TMCC3: variants seen among roughly 807,000 people sequenced by gnomAD.
TMCC3 encodes transmembrane and coiled-coil domain family 3.
Under a neutral mutation model 40.2 loss-of-function variants are expected in TMCC3, and 28 were observed. The ratio of observed to expected loss-of-function variants is 0.70; its 90% CI spans 0.52 to 0.95. The LOEUF (loss-of-function observed/expected upper bound fraction) is 0.95. Among genes scored for constraint, TMCC3 ranks in the 40% least tolerant of loss-of-function variants. TMCC3 has a pLI of 0.00. For synonymous variants in TMCC3, 255 were observed against 248.5 expected (o/e 1.03, Z -0.25); for missense variants, 554 against 615.2 (o/e 0.90, Z 1.05).
chr12:94,644,849 G>C (rs1021580720), intron 1 of TMCC3, among the ~76,000 whole-genome samples: 1 of 152,176 alleles, frequency 6.6e-6, no homozygotes, highest in Non-Finnish European at 1.5e-5. Context: ...AAGGGCTACA[G>C]CATCCTCTTC....
At chr12:94,645,781 A>G (rs1403365663) in intron 1 of TMCC3, among the ~76,000 whole-genome samples, 1 of 152,184 alleles carries the variant, frequency 6.6e-6, no homozygotes, top group Non-Finnish European at 1.5e-5. Context: ...CATTCCAAAT[A>G]GAAATATCTG....
At chr12:94,617,832 C>G (rs1414916405) in intron 1 of TMCC3, among the ~76,000 whole-genome samples, 1 of 152,060 alleles carries the variant, frequency 6.6e-6, no homozygotes, top group Non-Finnish European at 1.5e-5. Context: ...ATTTTGTCAG[C>G]CTAATAAAGG....
chr12:94,624,188 A>G (rs1343088437), intron 1 of TMCC3, among the ~76,000 whole-genome samples: 1 of 152,228 alleles, frequency 6.6e-6, no homozygotes, highest in African/African-American at 2.4e-5. Flanking sequence ...TAGTGGGAAT[A>G]TAAACTGGTG....
chr12:94,642,212 G>C (rs2068994599), intron 1 of TMCC3, among the ~76,000 whole-genome samples: 1 of 152,134 alleles, frequency 6.6e-6, no homozygotes, highest in East Asian at 1.9e-4. Context: ...ACAGAAGATG[G>C]TATAATGGTT....
chr12:94,610,634 C>A (rs1046306092), intron 1 of TMCC3, among the ~76,000 whole-genome samples: 1 of 152,136 alleles, frequency 6.6e-6, no homozygotes, highest in African/African-American at 2.4e-5. Context: ...CAATAGAGAA[C>A]CTCTTTTTAA....
intron 2 of TMCC3, 85 bp from the exon 3 acceptor site, chr12:94,578,614 C>T (rs1178514758): frequency 2.1e-6 from 3 of 1,456,758 alleles, no homozygotes; most frequent in African/African-American, 1.4e-5. Flanking sequence ...TGCGCCAGTA[C>T]CTTTTGGCTT....
At chr12:94,612,243 C>T (rs1044634717) in intron 1 of TMCC3, among the ~76,000 whole-genome samples, 2 of 151,906 alleles carry the variant, frequency 1.3e-5, no homozygotes, top group African/African-American at 2.4e-5. Context: ...TCAAGCAATC[C>T]GCCTGCCTTG....
chr12:94,631,308 A>G (rs941090474), intron 1 of TMCC3, among the ~76,000 whole-genome samples: 3 of 152,174 alleles, frequency 2.0e-5, no homozygotes, highest in African/African-American at 7.2e-5. Flanking sequence ...TTAAAAATTC[A>G]TACTGAAATC....
intron 1 of TMCC3, among the ~76,000 whole-genome samples, chr12:94,637,164 A>G (rs2068964885): frequency 6.6e-6 from 1 of 152,236 alleles, no homozygotes; most frequent in African/African-American, 2.4e-5. Flanking sequence ...AAATGGCAAG[A>G]ACATACATAT....
chr12:94,650,082 C>T (rs2069046326), intron 1 of TMCC3, among the ~76,000 whole-genome samples: 1 of 152,124 alleles, frequency 6.6e-6, no homozygotes, highest in Non-Finnish European at 1.5e-5. Flanking sequence ...GAGCGCGGGC[C>T]GTCGGGGAAC....
chr12:94,595,648 A>G (rs2068711176), intron 1 of TMCC3, among the ~76,000 whole-genome samples: 1 of 152,258 alleles, frequency 6.6e-6, no homozygotes, highest in Non-Finnish European at 1.5e-5. Context: ...GGATCAGAAT[A>G]CTACTAGCTA....
chr12:94,591,581 C>G (rs929298441), intron 1 of TMCC3, among the ~76,000 whole-genome samples: 1 of 152,038 alleles, frequency 6.6e-6, no homozygotes, highest in Non-Finnish European at 1.5e-5. Flanking sequence ...GAAACCCTGT[C>G]TCTACCAAAA....
chr12:94,611,458 A>C (rs964654434), intron 1 of TMCC3, among the ~76,000 whole-genome samples: 1 of 152,134 alleles, frequency 6.6e-6, no homozygotes, highest in African/African-American at 2.4e-5. Context: ...CACAGCTTTG[A>C]ATCTGTATTT....
At chr12:94,624,080 C>G (rs1469546218) in intron 1 of TMCC3, among the ~76,000 whole-genome samples, 1 of 152,174 alleles carries the variant, frequency 6.6e-6, no homozygotes, top group Non-Finnish European at 1.5e-5. Context: ...AACTGCAATA[C>G]GATACCACTT....
At chr12:94,613,366 G>A (rs2068827742) in intron 1 of TMCC3, among the ~76,000 whole-genome samples, 1 of 152,040 alleles carries the variant, frequency 6.6e-6, no homozygotes, top group Non-Finnish European at 1.5e-5. Context: ...CAGCTATTTG[G>A]AAAGCTGAGG....
intron 2 of TMCC3, 71 bp downstream of exon 2, chr12:94,581,546 AAAAAT>A (rs1169848660): frequency 2.2e-5 from 24 of 1,097,326 alleles, no homozygotes; most frequent in Non-Finnish European, 2.3e-5. Flanking sequence ...TTCAAAATGA[AAAAAT>A]AAAATAACAT....
chr12:94,593,428 AAGAAGG>A (rs755215632), intron 1 of TMCC3, among the ~76,000 whole-genome samples: 741 of 55,136 alleles, frequency 0.013, 42 homozygotes, highest in Middle Eastern at 0.026. Context: ...AAGAAGGAAG[AAGAAGG>A]AGAAGGAGAA....
Position 94,581,779 on chromosome 12 carries a change from T to C in TMCC3, c.838A>G (p.Thr280Ala), listed in dbSNP as rs2068603359. Residue 280 changes from threonine to alanine, a missense_variant, in exon 2 of 4, where the codon ACA becomes GCA. Transcript: ENST00000261226. ...GCGAGCTTGCCCTGGCTGTCCAGTG[T>C]GCTGGCTCCACCAGCCCCAAACGAC... ...NQSFGAGGAS[T>A]LDSQGKLAVI... 2 of 1,614,196 alleles carry C rather than the reference T, an allele frequency of 1.2e-6. No homozygotes were observed. The highest frequency in any genetic ancestry group is 1.7e-6 in the Non-Finnish European group (2 of 1,180,016).
intron 1 of TMCC3, among the ~76,000 whole-genome samples, chr12:94,625,983 G>A (rs1201911985): frequency 6.6e-6 from 1 of 152,158 alleles, no homozygotes; most frequent in East Asian, 1.9e-4. Flanking sequence ...CCGAGATTGG[G>A]TAATTTATAA....
Sources: gnomAD v4.1 joint callset for allele counts (sites outside exome capture counted in the v4.1 genomes callset) on GRCh38, gnomAD v4.1.1 for gene constraint, MANE v1.5 for transcripts, NCBI Gene and HGNC (gene_info 2026-07-23, HGNC 2026-07-21) for gene names.